CAPS2: variants seen among roughly 807,000 people sequenced by gnomAD.
CAPS2 encodes the protein calcyphosin-2.
In CAPS2, 98 loss-of-function variants were observed where a neutral mutation model predicts 86.5. That is an observed-to-expected ratio of 1.13 (90% CI 0.96 to 1.34). CAPS2 has a LOEUF of 1.34. Among genes scored for constraint, CAPS2 ranks in the 40% most tolerant of loss-of-function variants. CAPS2 has a pLI of 0.00. For missense variants in CAPS2, 729 were observed against 686.8 expected (o/e 1.06, Z -0.69); for synonymous variants, 210 against 225.1 (o/e 0.93, Z 0.60).
downstream of CAPS2, chr12:75,276,045 G>T: frequency 3.1e-6 from 2 of 639,824 alleles, no homozygotes; most frequent in Non-Finnish European, 2.4e-6. Flanking sequence ...GAAGTTTATA[G>T]AACTTTAAAA....
chr12:75,349,680 T>C (rs372428077), intron 1 of CAPS2, among the ~76,000 whole-genome samples: 15 of 152,124 alleles, frequency 9.9e-5, no homozygotes, highest in Admixed American at 7.2e-4. Flanking sequence ...TTAAAATTAA[T>C]GAAATATTAG....
chr12:75,355,997 G>A (rs968910571), intron 1 of CAPS2, among the ~76,000 whole-genome samples: 1 of 152,114 alleles, frequency 6.6e-6, no homozygotes, highest in African/African-American at 2.4e-5. Flanking sequence ...TGGGGAGAGG[G>A]AGAGCATCAG....
intron 1 of CAPS2, among the ~76,000 whole-genome samples, chr12:75,342,105 G>T (rs1314249231): frequency 3.3e-5 from 5 of 152,156 alleles, no homozygotes; most frequent in African/African-American, 1.2e-4. Context: ...ATTGGTGATC[G>T]CCAGGGGTTA....
exon 17 of CAPS2, chr12:75,277,786 T>C (rs2033186457): frequency 2.4e-6 from 2 of 817,454 alleles, no homozygotes; most frequent in Non-Finnish European, 3.0e-6. Context: ...TATATTAACA[T>C]AGAAAATTTA....
At chr12:75,335,363 GA>G (rs954545954) in intron 1 of CAPS2, among the ~76,000 whole-genome samples, 18 of 151,594 alleles carry the variant, frequency 1.2e-4, no homozygotes, top group African/African-American at 4.4e-4. Flanking sequence ...AGTATTATTT[GA>G]AAAAAATACA....
upstream of CAPS2, among the ~76,000 whole-genome samples, chr12:75,326,839 G>T (rs2040830513): frequency 6.6e-6 from 1 of 152,108 alleles, no homozygotes; most frequent in Non-Finnish European, 1.5e-5. Flanking sequence ...TCTTTGGTGG[G>T]CTCAGTGTAA....
At chr12:75,276,157 C>A, downstream of CAPS2, 2 of 1,502,802 alleles carry the variant, frequency 1.3e-6, no homozygotes, top group Non-Finnish European at 8.9e-7. Flanking sequence ...TCTTGCTTGG[C>A]TTATTTTATA....
intron 7 of CAPS2, among the ~76,000 whole-genome samples, chr12:75,307,639 A>G (rs540104177): frequency 6.6e-6 from 1 of 152,236 alleles, no homozygotes; most frequent in Non-Finnish European, 1.5e-5. Context: ...TACAAATTAT[A>G]TTGTTAAATT....
At chr12:75,280,486 A>C (rs939994893) in intron 16 of CAPS2, among the ~76,000 whole-genome samples, 4 of 151,872 alleles carry the variant, frequency 2.6e-5, no homozygotes, top group African/African-American at 9.7e-5. Flanking sequence ...TAAAACCCTC[A>C]TCAAAAATTC....
At chr12:75,344,444 C>T (rs2042317241) in intron 1 of CAPS2, among the ~76,000 whole-genome samples, 1 of 152,002 alleles carries the variant, frequency 6.6e-6, no homozygotes, top group Non-Finnish European at 1.5e-5. Context: ...CAATCTTGCA[C>T]CTTAAAGTTT....
At position 75,291,829 on chromosome 12, in the gene CAPS2, G is replaced by T; in HGVS notation, c.1164-9C>A. The T allele has an allele frequency of 6.8e-7, 1 of 1,465,012 alleles. No homozygotes were observed. The highest frequency in any genetic ancestry group is 9.4e-7 in the Non-Finnish European group (1 of 1,066,244). 90.8% of individuals were successfully genotyped at this position (1,465,012 alleles called of 1,614,324 possible). Reference sequence around the variant, plus strand: ...GTTCCATAGAAGCAGTTCTGCAATTGACATGTTCACAGGGATGAAATATAT... The same window carrying T: ...GTTCCATAGAAGCAGTTCTGCAATTTACATGTTCACAGGGATGAAATATAT... On this transcript the variant is annotated splice_polypyrimidine_tract_variant and intron_variant, in intron 12 of 16. Coordinates refer to ENST00000393284, the Ensembl canonical transcript of CAPS2.
intron 6 of CAPS2, among the ~76,000 whole-genome samples, chr12:75,315,618 C>T (rs1340160949): frequency 6.6e-6 from 1 of 152,064 alleles, no homozygotes; most frequent in Admixed American, 6.6e-5. Flanking sequence ...CTAACTAAAT[C>T]CATATTGCTT....
At chr12:75,281,895 C>A (rs1167623227) in intron 16 of CAPS2, among the ~76,000 whole-genome samples, 1 of 152,056 alleles carries the variant, frequency 6.6e-6, no homozygotes, top group Admixed American at 6.6e-5. Context: ...CTGCTTAAAT[C>A]CTTAAGTATG....
At chr12:75,291,019 A>G (rs1004381962) in intron 13 of CAPS2, among the ~76,000 whole-genome samples, 15 of 152,172 alleles carry the variant, frequency 9.9e-5, no homozygotes, top group African/African-American at 3.6e-4. Context: ...GATCCAACAG[A>G]GTAACTGTCT....
intron 11 of CAPS2, among the ~76,000 whole-genome samples, chr12:75,296,983 C>G (rs1448104956): frequency 6.6e-6 from 1 of 152,356 alleles, no homozygotes; most frequent in Non-Finnish European, 1.5e-5. Flanking sequence ...TTCAAAATGT[C>G]TGCTCCACAC....
At chr12:75,341,096 C>T (rs907244269) in intron 1 of CAPS2, among the ~76,000 whole-genome samples, 2 of 151,876 alleles carry the variant, frequency 1.3e-5, no homozygotes, top group African/African-American at 4.8e-5. Context: ...CACTTCTGGG[C>T]ACTTTTTCCT....
intron 13 of CAPS2, among the ~76,000 whole-genome samples, chr12:75,291,093 T>C (rs1434677406): frequency 6.6e-6 from 1 of 152,046 alleles, no homozygotes; most frequent in Non-Finnish European, 1.5e-5. Context: ...AAAACTGACA[T>C]ATATCTAATT....
chr12:75,316,503 G>T, intron 5 of CAPS2, 69 bp from the exon 6 acceptor site: 1 of 1,348,790 alleles, frequency 7.4e-7, no homozygotes, highest in Non-Finnish European at 9.9e-7. Context: ...CAAAATATGG[G>T]AATAGATAAC....
At chr12:75,296,876 T>C (rs2036991568) in intron 11 of CAPS2, among the ~76,000 whole-genome samples, 1 of 152,164 alleles carries the variant, frequency 6.6e-6, no homozygotes, top group Non-Finnish European at 1.5e-5. Context: ...GCTTTTACTA[T>C]GGGAAATATT....
Sources: gnomAD v4.1 joint callset for allele counts (sites outside exome capture counted in the v4.1 genomes callset) on GRCh38, gnomAD v4.1.1 for gene constraint, MANE v1.5 for transcripts, NCBI Gene and HGNC (gene_info 2026-07-23, HGNC 2026-07-21) for gene names.